The following SMURF2 variants were observed in gnomAD, a reference collection of about 807,000 sequenced individuals.
The protein encoded by SMURF2 is E3 ubiquitin-protein ligase SMURF2.
SMURF2 carries 48 observed loss-of-function variants against 109.6 expected under a neutral mutation model. The ratio of observed to expected loss-of-function variants is 0.44; its 90% CI spans 0.35 to 0.56. SMURF2 has a LOEUF of 0.56. SMURF2 is among the 20% of genes least tolerant of loss of function. SMURF2 has a pLI of 0.01. For missense variants in SMURF2, 575 were observed against 909.0 expected (o/e 0.63, Z 4.72); for synonymous variants, 288 against 317.1 (o/e 0.91, Z 0.97).
chr17:64,588,268 G>A (rs1242484674), intron 5 of SMURF2, among the ~76,000 whole-genome samples: 2 of 151,746 alleles, frequency 1.3e-5, no homozygotes, highest in African/African-American at 4.8e-5. Flanking sequence ...ATGTAGCTGG[G>A]GCATAACAGT....
intron 1 of SMURF2, among the ~76,000 whole-genome samples, chr17:64,610,500 C>T (rs1970028795): frequency 6.6e-6 from 1 of 152,164 alleles, no homozygotes; most frequent in Non-Finnish European, 1.5e-5. Context: ...AGCAAACTAA[C>T]ACAAGAACAG....
At chr17:64,559,084 C>G (rs1034095288) in intron 12 of SMURF2, among the ~76,000 whole-genome samples, 12 of 152,166 alleles carry the variant, frequency 7.9e-5, no homozygotes, top group Non-Finnish European at 1.5e-4. Context: ...GCCTTCCCAA[C>G]ATAACACTCA....
intron 1 of SMURF2, among the ~76,000 whole-genome samples, chr17:64,626,023 C>G (rs1555691142): frequency 6.6e-6 from 1 of 152,080 alleles, no homozygotes; most frequent in African/African-American, 2.4e-5. Flanking sequence ...CCTATAATCC[C>G]AGCACCTTGG....
rs969444207 is a variant in SMURF2 at position 64,543,980 on chromosome 17, C to A, written c.*1868G>T. Reference sequence around the variant, plus strand: ...TAGGCATAAGCATATTACCACTGCACAGTTACAACTATGACTAGCTTGCTT... The same window carrying A: ...TAGGCATAAGCATATTACCACTGCAAAGTTACAACTATGACTAGCTTGCTT... On this transcript the variant is annotated 3_prime_UTR_variant, in exon 19 of 19. Transcript: ENST00000262435. 6.6e-6 allele frequency: 1 copy of A among 152,350 alleles called. No homozygotes were observed. The highest frequency in any genetic ancestry group is 1.5e-5 in the Non-Finnish European group (1 of 68,034). 9.4% of individuals were successfully genotyped at this position (152,350 alleles called of 1,614,324 possible). A position where few individuals can be genotyped will look rare whatever the true frequency, so the allele number is the denominator to read the frequency against.
intron 8 of SMURF2, 127 bp from the exon 9 acceptor site, chr17:64,578,703 C>G: frequency 9.8e-6 from 6 of 610,990 alleles, no homozygotes; most frequent in Non-Finnish European, 1.4e-5. Context: ...TATTTATTAT[C>G]AAAAAAGGGC....
rs1357486990 is a variant in SMURF2, at chr17:64,636,672, A to G, written c.52+25157T>C. On this transcript the variant is annotated intron_variant, in intron 1 of 18. Coordinates refer to ENST00000262435, the MANE Select transcript of SMURF2 (RefSeq NM_022739.4). ...TGTGCACCTGTAGTCCCAGCTACTCAGGAGGCTGAGGCAGAAGAATCACTT... is the reference window on the plus strand; with the variant it reads ...TGTGCACCTGTAGTCCCAGCTACTCGGGAGGCTGAGGCAGAAGAATCACTT... 4.7e-5 allele frequency among the ~76,000 whole-genome samples: 7 copies of G among 149,544 alleles called. No homozygotes were observed. The East Asian group carries it at 1.4e-3, about 29-fold the overall frequency.
At chr17:64,591,029 A>T in intron 5 of SMURF2, 55 bp downstream of exon 5, 1 of 1,288,974 alleles carries the variant, frequency 7.8e-7, no homozygotes, top group Non-Finnish European at 1.1e-6. Context: ...AAGGTATTTT[A>T]CACTTTAGGT....
intron 1 of SMURF2, among the ~76,000 whole-genome samples, chr17:64,651,573 GA>G (rs199534087): frequency 0.17 from 19,126 of 112,396 alleles, 1,931 homozygotes; most frequent in African/African-American, 0.32. Context: ...CCCTACCTCA[GA>G]AAAAAAAAAA....
At chr17:64,633,648 T>C (rs1459077919) in intron 1 of SMURF2, among the ~76,000 whole-genome samples, 1 of 152,220 alleles carries the variant, frequency 6.6e-6, no homozygotes, top group Non-Finnish European at 1.5e-5. Flanking sequence ...ATCTTACAAC[T>C]TCAGTTGATT....
At position 64,591,176 on chromosome 17, in the gene SMURF2, C is replaced by T. The variant is rs371335428; in HGVS notation, c.335-27G>A. On this transcript the variant is annotated intron_variant, in intron 4 of 18. Transcript: ENST00000262435. ...TATTTGAAGTCAACAAAGAAAGCAA[C>T]GAAAAAATTAGCTGGTATCAGAGAT... 47 of 1,578,804 alleles carry T rather than the reference C, an allele frequency of 3.0e-5. 1 individual carries two copies. In the East Asian group the frequency reaches 3.2e-4, roughly 11 times the overall value.
intron 1 of SMURF2, among the ~76,000 whole-genome samples, chr17:64,651,472 CA>C (rs1555693512): frequency 6.9e-6 from 1 of 145,260 alleles, no homozygotes; most frequent in Non-Finnish European, 1.5e-5. Flanking sequence ...CTCCAGAGGC[CA>C]AGGCAGAAGA....
intron 16 of SMURF2, among the ~76,000 whole-genome samples, chr17:64,548,145 A>T (rs1555683301): frequency 6.6e-6 from 1 of 152,192 alleles, no homozygotes; most frequent in African/African-American, 2.4e-5. Context: ...ATAAAATTAT[A>T]AAGCTTTAAA....
intron 1 of SMURF2, among the ~76,000 whole-genome samples, chr17:64,623,228 G>C (rs1970227403): frequency 1.3e-5 from 2 of 152,062 alleles, no homozygotes; most frequent in Non-Finnish European, 2.9e-5. Context: ...AATATAAACA[G>C]TTGAGCCAAT....
chr17:64,641,958 C>T (rs931381194), intron 1 of SMURF2, among the ~76,000 whole-genome samples: 20 of 152,242 alleles, frequency 1.3e-4, no homozygotes, highest in Non-Finnish European at 2.4e-4. Flanking sequence ...AGGTGCATGC[C>T]GCCATGCCTG....
intron 1 of SMURF2, among the ~76,000 whole-genome samples, chr17:64,620,926 CTCTT>C (rs1255557279): frequency 6.6e-6 from 1 of 152,184 alleles, no homozygotes; most frequent in African/African-American, 2.4e-5. Flanking sequence ...AACCTAGTAA[CTCTT>C]TATGTTCAAA....
chr17:64,581,763 A>G lies in SMURF2; in HGVS notation c.570-772T>C, dbSNP rs1969580694. Among the ~76,000 whole-genome samples, 1 of 151,972 alleles carries G rather than the reference A, an allele frequency of 6.6e-6. No homozygotes were observed. The highest frequency in any genetic ancestry group is 1.5e-5 in the Non-Finnish European group (1 of 67,966). On this transcript the variant is annotated intron_variant, in intron 7 of 18. Transcript: ENST00000262435. The surrounding 1 kb of genome is among the most constrained non-coding windows in gnomAD (Gnocchi z 4.3). ...AGTTTGAGACCAGCCTGGCCAACACAGCGAAACCCCATCTCTACTAAAAAT... is the reference window on the plus strand; with the variant it reads ...AGTTTGAGACCAGCCTGGCCAACACGGCGAAACCCCATCTCTACTAAAAAT...
At chr17:64,611,365 A>T (rs1200565643) in intron 1 of SMURF2, among the ~76,000 whole-genome samples, 6 of 152,076 alleles carry the variant, frequency 3.9e-5, no homozygotes, top group African/African-American at 1.4e-4. Flanking sequence ...GATGATACCT[A>T]AATTCATAAA....
In SMURF2 at chr17:64,543,946, G is replaced by C. The variant is rs1598263593; in HGVS notation, c.*1902C>G. On this transcript the variant is annotated 3_prime_UTR_variant, in exon 19 of 19. Transcript: ENST00000262435. ...TGTAAAAAAAACAAATTGTTTGAGA[G>C]GAAAAAGGTAGGCATAAGCATATTA... The C allele has an allele frequency of 6.6e-6, 1 of 152,268 alleles. No individual in the cohort carries two copies. The highest frequency in any genetic ancestry group is 1.9e-4 in the East Asian group (1 of 5,184). The allele number at this position is 152,268 out of a possible 1,614,324, so 9.4% of individuals were successfully genotyped here. A position where few individuals can be genotyped will look rare whatever the true frequency, so the allele number is the denominator to read the frequency against.
intron 1 of SMURF2, among the ~76,000 whole-genome samples, chr17:64,609,492 G>A (rs1016377455): frequency 8.5e-5 from 13 of 152,058 alleles, no homozygotes; most frequent in African/African-American, 3.1e-4. Flanking sequence ...TCTGATCTTT[G>A]ACAAACCTGA....
Sources: gnomAD v4.1 joint callset for allele counts (sites outside exome capture counted in the v4.1 genomes callset) on GRCh38, gnomAD v4.1.1 for gene constraint, Gnocchi (gnomAD v3.1) non-coding constraint, MANE v1.5 for transcripts, NCBI Gene and HGNC (gene_info 2026-07-23, HGNC 2026-07-21) for gene names.